Variants in TRIM9 observed in about 807,000 individuals in gnomAD.
TRIM9 encodes the protein E3 ubiquitin-protein ligase TRIM9.
TRIM9 carries 26 observed loss-of-function variants against 78.3 expected under a neutral mutation model. The ratio of observed to expected loss-of-function variants is 0.33; its 90% CI spans 0.24 to 0.46. The LOEUF (loss-of-function observed/expected upper bound fraction) is 0.46, where lower values mean the gene tolerates loss of function less well. Ranked by LOEUF, TRIM9 falls within the 20% of genes least tolerant of loss-of-function variation. The pLI is 1.00. For missense variants in TRIM9, 787 were observed against 1,036.4 expected (o/e 0.76, Z 3.30); for synonymous variants, 398 against 416.5 (o/e 0.96, Z 0.54).
At chr14:51,055,637 A>C (rs1275680186) in intron 1 of TRIM9, among the ~76,000 whole-genome samples, 1 of 152,204 alleles carries the variant, frequency 6.6e-6, no homozygotes, top group African/African-American at 2.4e-5. Flanking sequence ...TGCCTTCTAG[A>C]AGGTGGAAAA....
chr14:50,997,960 G>C, intron 7 of TRIM9, 90 bp downstream of exon 7: 1 of 1,575,670 alleles, frequency 6.3e-7, no homozygotes. Flanking sequence ...CTTCAGGAAT[G>C]TGGGCAGTGG....
chr14:50,983,120 T>G (rs1026776570), intron 9 of TRIM9, among the ~76,000 whole-genome samples, 155 bp from the exon 10 acceptor site: 2 of 152,194 alleles, frequency 1.3e-5, no homozygotes, highest in Admixed American at 1.3e-4. Context: ...ACTTGTACCT[T>G]TACCCACATT....
At chr14:51,091,001 C>T (rs2064259528) in intron 1 of TRIM9, 1 of 152,114 alleles carries the variant, frequency 6.6e-6, no homozygotes, top group African/African-American at 2.4e-5. Flanking sequence ...TTCTATTGCC[C>T]ATTTTAAAGT....
Position 51,051,438 on chromosome 14 carries a change from A to G in TRIM9, c.823-26078T>C, listed in dbSNP as rs116566903. Among the ~76,000 whole-genome samples, 1,237 of 152,298 alleles carry G rather than the reference A, an allele frequency of 8.1e-3. 28 individuals are homozygous for G. Among genetic ancestry groups the G allele is most frequent in the African/African-American group, 0.028 (1,172 of 41,552 alleles). The stretch of plus-strand genomic sequence containing the variant: ...TCTTAGCCAAAACTAGCACTGTGGA[A>G]AAAGGGTGGAAGAGGAATTTGGGAC... On this transcript the variant is annotated intron_variant, in intron 1 of 12. Transcript: ENST00000684578.
At chr14:51,083,481 A>C (rs1363645336) in intron 1 of TRIM9, among the ~76,000 whole-genome samples, 2 of 151,800 alleles carry the variant, frequency 1.3e-5, no homozygotes, top group Non-Finnish European at 2.9e-5. Flanking sequence ...CTGTTCTCAA[A>C]CTCCTTCCGC....
rs61755582 is a variant in TRIM9, at chr14:51,022,864, C to T, written c.1012G>A (p.Val338Ile). The change falls in exon 3 of 13, where the codon GTC becomes ATC. Residue 338 changes from valine to isoleucine, a missense_variant. Transcript: ENST00000684578. ...NRRKAQLLAR[V>I]NKEHEHKLKV... ...AGCTTGTGCTCATGCTCCTTGTTGA[C>T]GCGGGCCAGCAGCTGGGCTTTTCTT... The T allele has an allele frequency of 0.017, 27,327 of 1,614,096 alleles. 525 individuals carry two copies. The highest frequency in any genetic ancestry group is 0.077 in the Admixed American group (4,644 of 60,016).
intron 1 of TRIM9, among the ~76,000 whole-genome samples, chr14:51,027,731 A>G (rs2058378906): frequency 6.6e-6 from 1 of 152,230 alleles, no homozygotes; most frequent in African/African-American, 2.4e-5. Flanking sequence ...CAGGAGCCCA[A>G]GGGATAAAGG....
intron 11 of TRIM9, among the ~76,000 whole-genome samples, chr14:50,980,851 G>A (rs958787863): frequency 1.3e-5 from 2 of 152,248 alleles, no homozygotes; most frequent in African/African-American, 2.4e-5. Flanking sequence ...AAGGGAAAAG[G>A]AGGCTTTAGG....
rs1197261474 is a variant in TRIM9, at chr14:50,986,061, TGGA to T, written c.1684_1686del (p.Ser562del). 7.1e-6 allele frequency: 11 copies of T among 1,549,364 alleles called. No homozygotes were observed. Among genetic ancestry groups the T allele is most frequent in the Non-Finnish European group, 8.7e-6 (10 of 1,146,462 alleles). On this transcript the variant is annotated inframe_deletion, in exon 8 of 13. Transcript: ENST00000684578. ...GGGAAGCTGGGTTGTAGATTAAGGG[TGGA>T]GGAGAAAGGACTCATTCTACGGAGC...
At chr14:50,993,194 G>T (rs912911075) in intron 7 of TRIM9, among the ~76,000 whole-genome samples, 3 of 152,090 alleles carry the variant, frequency 2.0e-5, no homozygotes, top group East Asian at 1.9e-4. Context: ...TGGTACCAGT[G>T]GGGGAAGGGC....
chr14:51,059,081 A>T (rs2061126752), intron 1 of TRIM9, among the ~76,000 whole-genome samples: 1 of 152,326 alleles, frequency 6.6e-6, no homozygotes, highest in Admixed American at 6.5e-5. Context: ...GCCTATGACC[A>T]ACCCCAATAT....
intron 8 of TRIM9, 22 bp downstream of exon 8, chr14:50,985,934 A>C (rs1473151679): frequency 6.8e-7 from 1 of 1,462,292 alleles, no homozygotes; most frequent in Non-Finnish European, 9.1e-7. Flanking sequence ...TCAAGGGGAA[A>C]GGTCTGAGGA....
chr14:51,050,308 C>T (rs534833381), intron 1 of TRIM9, among the ~76,000 whole-genome samples: 26 of 152,170 alleles, frequency 1.7e-4, no homozygotes, highest in Non-Finnish European at 3.5e-4. Context: ...GCAGTTTTCC[C>T]CATACTGTTC....
At chr14:50,989,699 A>G (rs2053234585) in intron 7 of TRIM9, among the ~76,000 whole-genome samples, 1 of 152,206 alleles carries the variant, frequency 6.6e-6, no homozygotes, top group Non-Finnish European at 1.5e-5. Flanking sequence ...CAGTATGTCA[A>G]TGGCCAAATG....
intron 1 of TRIM9, among the ~76,000 whole-genome samples, chr14:51,078,289 A>G (rs2062985139): frequency 6.6e-6 from 1 of 152,244 alleles, no homozygotes; most frequent in Admixed American, 6.5e-5. Context: ...AAAGAAAACT[A>G]TGAGATATGA....
At chr14:51,045,419 G>A (rs2140018883) in intron 1 of TRIM9, among the ~76,000 whole-genome samples, 1 of 152,328 alleles carries the variant, frequency 6.6e-6, no homozygotes, top group Non-Finnish European at 1.5e-5. Context: ...AGAGCTACCA[G>A]GATGGGCTGC....
intron 11 of TRIM9, among the ~76,000 whole-genome samples, chr14:50,980,459 A>G (rs1332808416): frequency 6.6e-6 from 1 of 152,248 alleles, no homozygotes; most frequent in African/African-American, 2.4e-5. Flanking sequence ...TGCAGGATAC[A>G]GACTGTACAT....
intron 8 of TRIM9, among the ~76,000 whole-genome samples, chr14:50,984,223 C>A (rs1157478710): frequency 6.6e-6 from 1 of 152,150 alleles, no homozygotes; most frequent in African/African-American, 2.4e-5. Context: ...TTTTGATGAA[C>A]ACTGGGGGAT....
intron 1 of TRIM9, among the ~76,000 whole-genome samples, chr14:51,080,436 AACACACACACACACAC>A (rs34062978): frequency 0.022 from 3,224 of 144,014 alleles, 128 homozygotes; most frequent in African/African-American, 0.076. Context: ...AGTTTTATTG[AACACACACACACACAC>A]ACACACACAC....
Sources: gnomAD v4.1 joint callset for allele counts (sites outside exome capture counted in the v4.1 genomes callset) on GRCh38, gnomAD v4.1.1 for gene constraint, MANE v1.5 for transcripts, NCBI Gene and HGNC (gene_info 2026-07-23, HGNC 2026-07-21) for gene names.